UNC13C: variants seen among roughly 807,000 people sequenced by gnomAD.
The protein encoded by UNC13C is unc-13 homolog C.
In UNC13C, 174 loss-of-function variants were observed where a neutral mutation model predicts 245.4. The ratio of observed to expected loss-of-function variants is 0.71; its 90% CI spans 0.63 to 0.80. The LOEUF (loss-of-function observed/expected upper bound fraction) is 0.80. UNC13C is among the 30% of genes least tolerant of loss of function. The pLI is 0.00. For synonymous variants in UNC13C, 992 were observed against 895.1 expected, an observed-to-expected ratio of 1.11 and a Z score of -1.93; for missense variants, 2,829 against 2,602.9, an observed-to-expected ratio of 1.09 and a Z score of -1.89.
chr15:54,177,006 T>C (rs1301380219), intron 4 of UNC13C, among the ~76,000 whole-genome samples: 3 of 152,096 alleles, frequency 2.0e-5, no homozygotes, highest in Non-Finnish European at 4.4e-5. Flanking sequence ...AGACCGCATA[T>C]GTGATTGGGT....
At chr15:54,384,951 A>G (rs1020355585) in intron 17 of UNC13C, among the ~76,000 whole-genome samples, 4 of 152,192 alleles carry the variant, frequency 2.6e-5, no homozygotes, top group African/African-American at 9.6e-5. Context: ...AATCAAAACC[A>G]CAATGAAACA....
intron 19 of UNC13C, among the ~76,000 whole-genome samples, chr15:54,446,287 G>A (rs542306176): frequency 4.0e-5 from 6 of 151,836 alleles, no homozygotes; most frequent in African/African-American, 1.4e-4. Flanking sequence ...CTCTTTTTTG[G>A]TTCCATACGA....
At chr15:54,216,597 A>G (rs1006844987) in intron 4 of UNC13C, among the ~76,000 whole-genome samples, 1 of 151,938 alleles carries the variant, frequency 6.6e-6, no homozygotes, top group African/African-American at 2.4e-5. Context: ...CAAATTTACT[A>G]GAGAGAAAGC....
At chr15:53,967,734 T>C in the UNC13C span, among the ~76,000 whole-genome samples, 3 of 152,190 alleles carry the variant, frequency 2.0e-5, no homozygotes, top group Non-Finnish European at 4.4e-5. Context: ...TACATTGAGC[T>C]CTTTTGCTTT....
Position 54,025,588 on chromosome 15 carries a change from C to T in UNC13C, c.2983+9702C>T, listed in dbSNP as rs57767010. ...GCGTTTATCTTCCACATTCTGTGTG[C>T]TTAATTAAGCATTACCCCATGCAGC... On this transcript the variant is annotated intron_variant, in intron 2 of 32. Transcript: ENST00000260323. Among the ~76,000 whole-genome samples the T allele has an allele frequency of 3.0e-3, 463 of 152,252 alleles. 2 individuals are homozygous for T. The highest frequency in any genetic ancestry group is 0.011 in the African/African-American group (439 of 41,546).
intron 1 of UNC13C, among the ~76,000 whole-genome samples, chr15:53,979,430 G>C (rs1257016974): frequency 1.6e-5 from 2 of 125,284 alleles, no homozygotes; most frequent in South Asian, 5.1e-4. Context: ...CTCTTCATCA[G>C]TTCTTCAAGA....
At chr15:53,948,676 CT>C in the UNC13C span, 1 of 151,386 alleles carries the variant, frequency 6.6e-6, no homozygotes, top group African/African-American at 2.4e-5. Context: ...GGGCTAGGGC[CT>C]TTTATTTTCT....
intron 24 of UNC13C, among the ~76,000 whole-genome samples, chr15:54,512,194 T>G (rs892246367): frequency 6.6e-6 from 1 of 152,170 alleles, no homozygotes; most frequent in Non-Finnish European, 1.5e-5. Flanking sequence ...ATATCAATGT[T>G]TATTCTGCAA....
At chr15:54,196,170 A>G (rs772181420) in intron 4 of UNC13C, among the ~76,000 whole-genome samples, 2 of 152,178 alleles carry the variant, frequency 1.3e-5, no homozygotes, top group Non-Finnish European at 2.9e-5. Flanking sequence ...ACAAAATATA[A>G]TCTCCTTAAG....
chr15:53,972,482 C>T, the UNC13C span, among the ~76,000 whole-genome samples: 1 of 152,142 alleles, frequency 6.6e-6, no homozygotes, highest in Non-Finnish European at 1.5e-5. Context: ...TCTTGACTTG[C>T]TTCACATTTT....
chr15:54,522,290 G>A (rs2141133492), intron 24 of UNC13C, among the ~76,000 whole-genome samples: 1 of 150,394 alleles, frequency 6.6e-6, no homozygotes, highest in Admixed American at 6.6e-5. Context: ...GGTCAACATG[G>A]TGAAACCCCA....
At chr15:54,589,782 A>T (rs1898687995) in intron 30 of UNC13C, among the ~76,000 whole-genome samples, 1 of 152,060 alleles carries the variant, frequency 6.6e-6, no homozygotes, top group Non-Finnish European at 1.5e-5. Context: ...TCTTTTTGCC[A>T]TGCAGAAGCT....
At chr15:54,579,737 C>T (rs369894319) in intron 30 of UNC13C, among the ~76,000 whole-genome samples, 6 of 152,038 alleles carry the variant, frequency 3.9e-5, no homozygotes, top group South Asian at 2.1e-4. Context: ...CCAGCCTGGG[C>T]GACAGAGCAA....
intron 18 of UNC13C, among the ~76,000 whole-genome samples, chr15:54,400,474 T>C (rs1278506405): frequency 3.9e-5 from 6 of 152,176 alleles, no homozygotes; most frequent in Admixed American, 2.6e-4. Flanking sequence ...GTGGTGCTAT[T>C]TAACTTGTTC....
chr15:54,277,119 T>C (rs1363361582), intron 10 of UNC13C, among the ~76,000 whole-genome samples: 5 of 152,262 alleles, frequency 3.3e-5, no homozygotes, highest in African/African-American at 9.6e-5. Context: ...CTGTGCACGA[T>C]ACTCAAACAT....
chr15:54,446,298 A>C (rs562067994), intron 19 of UNC13C, among the ~76,000 whole-genome samples: 1 of 152,130 alleles, frequency 6.6e-6, no homozygotes, highest in Non-Finnish European at 1.5e-5. Context: ...TTCCATACGA[A>C]CTTTAAAGTA....
chr15:54,258,541 T>TG, intron 8 of UNC13C, among the ~76,000 whole-genome samples: 1 of 151,588 alleles, frequency 6.6e-6, no homozygotes, highest in East Asian at 2.0e-4. Context: ...TTTTTTTGTA[T>TG]TTTTTTTAGT....
At chr15:54,113,357 A>C (rs547592413) in intron 2 of UNC13C, among the ~76,000 whole-genome samples, 1 of 152,362 alleles carries the variant, frequency 6.6e-6, no homozygotes, top group Admixed American at 6.5e-5. Flanking sequence ...GAAAATCAGC[A>C]TATTTTAACA....
chr15:54,108,192 AC>A (rs909734227), intron 2 of UNC13C, among the ~76,000 whole-genome samples: 1 of 26,164 alleles, frequency 3.8e-5, no homozygotes, highest in African/African-American at 7.0e-5. Context: ...GCTAAATAAT[AC>A]TTTTTTTTTT....
Sources: allele counts gnomAD v4.1 joint callset (sites outside exome capture counted in the v4.1 genomes callset), GRCh38; gene constraint gnomAD v4.1.1; transcripts MANE v1.5; gene names NCBI Gene and HGNC (gene_info 2026-07-23, HGNC 2026-07-21).